Variants in GRID2 observed in about 807,000 individuals in gnomAD.
GRID2 encodes glutamate ionotropic receptor delta type subunit 2.
A neutral mutation model predicts 114.8 loss-of-function variants in GRID2; 33 were observed. The observed-to-expected ratio is 0.29, with a 90% CI of 0.22 to 0.38. The LOEUF is 0.38. Ranked by LOEUF, GRID2 falls within the 10% of genes least tolerant of loss-of-function variation. The probability of loss-of-function intolerance (pLI) is 1.00; values close to 1 mark genes in which losing one functional copy is unlikely to be tolerated. For missense variants in GRID2, 1,184 were observed against 1,257.7 expected (o/e 0.94, Z 0.89); for synonymous variants, 505 against 449.9 (o/e 1.12, Z -1.55).
chr4:92,666,728 C>A (rs1732807034), intron 2 of GRID2, among the ~76,000 whole-genome samples: 2 of 128,738 alleles, frequency 1.6e-5, no homozygotes, highest in Admixed American at 1.9e-4. Flanking sequence ...TTCTAATTTT[C>A]CCGTATTTTC....
chr4:92,604,937 G>A (rs576918050), intron 2 of GRID2, among the ~76,000 whole-genome samples: 1 of 152,054 alleles, frequency 6.6e-6, no homozygotes, highest in Non-Finnish European at 1.5e-5. Flanking sequence ...AATCATGCGG[G>A]CAGTTTCCCC....
chr4:92,863,148 T>G (rs1227714504), intron 2 of GRID2, among the ~76,000 whole-genome samples: 1 of 152,138 alleles, frequency 6.6e-6, no homozygotes, highest in Non-Finnish European at 1.5e-5. Flanking sequence ...AAGACTGAAT[T>G]TTCATTTATC....
intron 9 of GRID2, among the ~76,000 whole-genome samples, chr4:93,399,859 G>A (rs1231456074): frequency 6.6e-6 from 1 of 152,062 alleles, no homozygotes; most frequent in Non-Finnish European, 1.5e-5. Context: ...AGGACACAGA[G>A]GAAGGCAGTG....
chr4:92,398,327 T>C (rs957273521), intron 1 of GRID2, among the ~76,000 whole-genome samples: 12 of 152,152 alleles, frequency 7.9e-5, no homozygotes, highest in African/African-American at 2.9e-4. Context: ...CAGGAATTAA[T>C]TTGAAACCTG....
At chr4:93,306,228 T>C (rs543352169) in intron 8 of GRID2, 40 of 152,306 alleles carry the variant, frequency 2.6e-4, no homozygotes, top group African/African-American at 9.6e-4. Flanking sequence ...TGCTGACTTC[T>C]AAAGGTTGGG....
chr4:93,180,037 GA>G (rs1018354416), intron 4 of GRID2, among the ~76,000 whole-genome samples: 4 of 151,988 alleles, frequency 2.6e-5, no homozygotes, highest in African/African-American at 9.7e-5. Flanking sequence ...TTTAAACGAA[GA>G]AAAAAGGCAT....
intron 13 of GRID2, among the ~76,000 whole-genome samples, chr4:93,535,231 T>TACACACACACACACACACAC (rs141785727): frequency 7.0e-6 from 1 of 142,174 alleles, no homozygotes; most frequent in Non-Finnish European, 1.6e-5. Flanking sequence ...CACATACACA[T>TACACACACACACACACACAC]ACACACACAC....
intron 2 of GRID2, among the ~76,000 whole-genome samples, chr4:92,709,591 T>A (rs11315059): frequency 0.47 from 47,868 of 101,032 alleles, 10,463 homozygotes; most frequent in Non-Finnish European, 0.56. Flanking sequence ...AAAAAAAAAA[T>A]ATATATATAT....
chr4:92,450,876 A>C (rs2149078392), intron 1 of GRID2, among the ~76,000 whole-genome samples: 2 of 147,614 alleles, frequency 1.4e-5, no homozygotes, highest in South Asian at 4.2e-4. Flanking sequence ...TTTTTAAATA[A>C]GTTTAAATAA....
chr4:92,675,133 C>A (rs930182413), intron 2 of GRID2, among the ~76,000 whole-genome samples: 1 of 152,108 alleles, frequency 6.6e-6, no homozygotes, highest in African/African-American at 2.4e-5. Context: ...TGAGGCTTGG[C>A]TTTTACTTTG....
chr4:92,928,564 C>T lies in GRID2; in HGVS notation c.245-156431C>T, dbSNP rs1429593053. On this transcript the variant is annotated intron_variant, in intron 2 of 15. Coordinates refer to ENST00000282020, the MANE Select transcript of GRID2 (RefSeq NM_001510.4). ...ATAATATATCCATAAATTTTCTTGCCTTTATTGAACTTACATAATTTCTCC... is the reference window on the plus strand; with the variant it reads ...ATAATATATCCATAAATTTTCTTGCTTTTATTGAACTTACATAATTTCTCC... 3.3e-5 allele frequency among the ~76,000 whole-genome samples: 5 copies of T among 151,540 alleles called. No homozygotes were observed. The Admixed American group carries it at 3.3e-4, about 10-fold the overall frequency.
chr4:92,566,184 A>C (rs1727324382), intron 1 of GRID2, among the ~76,000 whole-genome samples: 1 of 151,996 alleles, frequency 6.6e-6, no homozygotes, highest in Non-Finnish European at 1.5e-5. Flanking sequence ...ATGCATGTTA[A>C]GATAAAAGTA....
At chr4:93,304,882 G>A (rs748188572) in intron 8 of GRID2, among the ~76,000 whole-genome samples, 7 of 152,258 alleles carry the variant, frequency 4.6e-5, no homozygotes, top group South Asian at 2.1e-4. Context: ...GCAATTTGAT[G>A]TGTGAATAAA....
chr4:93,683,397 AG>A (rs1257620328), intron 14 of GRID2, among the ~76,000 whole-genome samples: 1 of 152,082 alleles, frequency 6.6e-6, no homozygotes, highest in Non-Finnish European at 1.5e-5. Context: ...AGATAAGAAA[AG>A]CAAGTTTTAG....
chr4:93,443,401 A>C (rs1580100182), intron 10 of GRID2, among the ~76,000 whole-genome samples: 1 of 152,150 alleles, frequency 6.6e-6, no homozygotes, highest in African/African-American at 2.4e-5. Context: ...AGTAAGAATT[A>C]AAAAGGACAT....
At chr4:93,536,429 C>T (rs547547832) in intron 13 of GRID2, among the ~76,000 whole-genome samples, 4 of 151,730 alleles carry the variant, frequency 2.6e-5, no homozygotes, top group South Asian at 2.1e-4. Context: ...ATTTTTGACA[C>T]GGAAATCAAG....
intron 2 of GRID2, among the ~76,000 whole-genome samples, chr4:92,594,511 C>T (rs1423433415): frequency 6.6e-6 from 1 of 151,722 alleles, no homozygotes; most frequent in Admixed American, 6.6e-5. Flanking sequence ...ATTTAGTGTC[C>T]CTTTAGAGAA....
chr4:92,814,569 G>T (rs1395668707), intron 2 of GRID2, among the ~76,000 whole-genome samples: 1 of 152,114 alleles, frequency 6.6e-6, no homozygotes, highest in Non-Finnish European at 1.5e-5. Flanking sequence ...CACCCATAGG[G>T]AGGATCCTAA....
intron 8 of GRID2, among the ~76,000 whole-genome samples, chr4:93,242,647 G>C (rs1747678214): frequency 6.6e-6 from 1 of 151,980 alleles, no homozygotes; most frequent in African/African-American, 2.4e-5. Context: ...CAGCACATCT[G>C]AAGAGCTTGT....
Sources: allele counts gnomAD v4.1 joint callset (sites outside exome capture counted in the v4.1 genomes callset), GRCh38; gene constraint gnomAD v4.1.1; transcripts MANE v1.5; gene names NCBI Gene and HGNC (gene_info 2026-07-23, HGNC 2026-07-21).